RBFOX1: variants seen among roughly 807,000 people sequenced by gnomAD.
RBFOX1 encodes the protein RNA binding fox-1 homolog 1.
In RBFOX1, 8 loss-of-function variants were observed where a neutral mutation model predicts 57.7. That is an observed-to-expected ratio of 0.14 (90% CI 0.08 to 0.25). The LOEUF (loss-of-function observed/expected upper bound fraction) is 0.25. RBFOX1 is among the 10% of genes least tolerant of loss of function. The probability of loss-of-function intolerance (pLI) is 1.00; values close to 1 mark genes in which losing one functional copy is unlikely to be tolerated. For missense variants in RBFOX1, 611 were observed against 548.5 expected, an observed-to-expected ratio of 1.11 and a Z score of -1.14; for synonymous variants, 326 against 222.4, an observed-to-expected ratio of 1.47 and a Z score of -4.15.
At chr16:5,612,211 T>TCTCA (rs2047846328) in intron 3 of RBFOX1, among the ~76,000 whole-genome samples, 1 of 52,274 alleles carries the variant, frequency 1.9e-5, no homozygotes, top group African/African-American at 7.3e-5. Context: ...TCCCCTCCAC[T>TCTCA]CTCATTCATT....
chr16:6,433,653 C>A (rs1031177360), intron 2 of RBFOX1, among the ~76,000 whole-genome samples: 1 of 152,066 alleles, frequency 6.6e-6, no homozygotes. Context: ...GGGATAAAAT[C>A]CAGGTGTTAG....
chr16:6,861,182 AAG>A (rs1469672707), intron 3 of RBFOX1, among the ~76,000 whole-genome samples: 4 of 152,148 alleles, frequency 2.6e-5, no homozygotes, highest in Admixed American at 6.5e-5. Flanking sequence ...CATAAGAAAA[AAG>A]AGTGCATCTG....
chr16:7,528,335 C>G (rs917721544), intron 5 of RBFOX1, among the ~76,000 whole-genome samples: 1 of 152,136 alleles, frequency 6.6e-6, no homozygotes, highest in Non-Finnish European at 1.5e-5. Context: ...CAGTCTCTAT[C>G]TTTATTTTTG....
intron 4 of RBFOX1, among the ~76,000 whole-genome samples, chr16:7,355,130 A>T (rs576994014): frequency 1.9e-4 from 29 of 152,322 alleles, no homozygotes; most frequent in Admixed American, 6.5e-4. Context: ...AATGTGAGAA[A>T]ACTGAGCATC....
At chr16:6,905,926 C>T (rs1005802013) in intron 3 of RBFOX1, among the ~76,000 whole-genome samples, 1 of 152,180 alleles carries the variant, frequency 6.6e-6, no homozygotes, top group Non-Finnish European at 1.5e-5. Flanking sequence ...ACATTGACTT[C>T]CTTCTGCCCT....
intron 3 of RBFOX1, among the ~76,000 whole-genome samples, chr16:5,847,699 C>G (rs1179619948): frequency 1.3e-5 from 2 of 152,132 alleles, no homozygotes; most frequent in Non-Finnish European, 2.9e-5. Context: ...GATTCCAGCA[C>G]CAAGCCTTCC....
At chr16:7,602,078 C>T (rs1270629221) in intron 9 of RBFOX1, among the ~76,000 whole-genome samples, 6 of 152,124 alleles carry the variant, frequency 3.9e-5, no homozygotes, top group East Asian at 3.9e-4. Flanking sequence ...CTCTGGAATG[C>T]GTTTCTTTGA....
chr16:7,323,197 G>A lies in RBFOX1; in HGVS notation c.28-194950G>A, dbSNP rs563284689. Among the ~76,000 whole-genome samples, 4 of 152,292 alleles carry A rather than the reference G, an allele frequency of 2.6e-5. No individual in the cohort carries two copies. In the East Asian group the frequency reaches 5.8e-4, roughly 22 times the overall value. On this transcript the variant is annotated intron_variant, in intron 4 of 15. Transcript: ENST00000550418. ...CCAGGACTTTGGGAGGCTGAGTTGG[G>A]AGGATCACTTGATCCCAGGAGTACC...
At chr16:6,898,540 CAG>C (rs1352380431) in intron 3 of RBFOX1, among the ~76,000 whole-genome samples, 2 of 152,138 alleles carry the variant, frequency 1.3e-5, no homozygotes, top group Non-Finnish European at 1.5e-5. Context: ...GCAAAGGAAA[CAG>C]AACATGGATT....
chr16:6,943,431 G>T (rs986548171), intron 3 of RBFOX1, among the ~76,000 whole-genome samples: 2 of 152,136 alleles, frequency 1.3e-5, no homozygotes, highest in African/African-American at 2.4e-5. Context: ...CCTGTGGGCC[G>T]GGCGTGGTGG....
At chr16:7,510,162 C>G (rs554533784) in intron 4 of RBFOX1, 3 of 985,820 alleles carry the variant, frequency 3.0e-6, no homozygotes, top group Admixed American at 6.1e-5. Flanking sequence ...CTCAGCCCCC[C>G]ACCTTCCTCA....
chr16:5,825,738 T>TTATTATTCCTTAATATGAATAAGGAA (rs1555537823), intron 3 of RBFOX1, among the ~76,000 whole-genome samples: 55 of 146,800 alleles, frequency 3.7e-4, no homozygotes, highest in Middle Eastern at 6.9e-3. Flanking sequence ...CCTCCTTCCC[T>TTATTATTCCTTAATATGAATAAGGAA]TATTATTCCT....
intron 3 of RBFOX1, among the ~76,000 whole-genome samples, chr16:6,668,812 G>T (rs1404088804): frequency 1.6e-4 from 1 of 6,214 alleles, no homozygotes; most frequent in Non-Finnish European, 1.8e-3. Context: ...CTTAAAAGAA[G>T]CAAGTCTATT....
At chr16:5,911,696 G>A (rs1249092762) in intron 4 of RBFOX1, among the ~76,000 whole-genome samples, 1 of 152,142 alleles carries the variant, frequency 6.6e-6, no homozygotes, top group Non-Finnish European at 1.5e-5. Context: ...CTGGAGTCTG[G>A]GAAGTCCAGG....
chr16:6,764,946 G>A (rs2077121852), intron 3 of RBFOX1, among the ~76,000 whole-genome samples: 1 of 151,380 alleles, frequency 6.6e-6, no homozygotes, highest in South Asian at 2.1e-4. Context: ...GAAAAAGAAA[G>A]AAATAAAAAA....
intron 3 of RBFOX1, among the ~76,000 whole-genome samples, chr16:6,940,763 AGTGTGTGTGT>A (rs61349150): frequency 0.035 from 4,051 of 114,428 alleles, 234 homozygotes; most frequent in African/African-American, 0.13. Flanking sequence ...ATGTCCCGCT[AGTGTGTGTGT>A]GTGTGTGTGT....
intron 5 of RBFOX1, among the ~76,000 whole-genome samples, chr16:7,551,261 A>G (rs566003358): frequency 7.9e-5 from 12 of 152,248 alleles, no homozygotes; most frequent in African/African-American, 2.9e-4. Context: ...CTTGTCCCCC[A>G]GAAACAACTA....
chr16:7,213,857 G>C (rs752958751), intron 4 of RBFOX1, among the ~76,000 whole-genome samples: 8 of 152,162 alleles, frequency 5.3e-5, no homozygotes, highest in African/African-American at 1.4e-4. Context: ...GTCCTGCCCA[G>C]CAATAGGGGG....
At chr16:5,242,787 G>T (rs1484045968) in intron 1 of RBFOX1, among the ~76,000 whole-genome samples, 1 of 152,020 alleles carries the variant, frequency 6.6e-6, no homozygotes, top group Admixed American at 6.6e-5. Flanking sequence ...CACCAGGCCT[G>T]GTGCTCTGGA....
Sources: allele counts gnomAD v4.1 joint callset (sites outside exome capture counted in the v4.1 genomes callset), GRCh38; gene constraint gnomAD v4.1.1; transcripts MANE v1.5; gene names NCBI Gene and HGNC (gene_info 2026-07-23, HGNC 2026-07-21).